The following ERC1 variants were observed in gnomAD, a reference collection of about 807,000 sequenced individuals.
ERC1 encodes the protein ELKS/RAB6-interacting/CAST family member 1.
ERC1 carries 56 observed loss-of-function variants against 132.0 expected under a neutral mutation model. The observed-to-expected ratio is 0.42, with a 90% confidence interval of 0.34 to 0.53. ERC1 has a LOEUF of 0.53. Ranked by LOEUF, ERC1 falls within the 20% of genes least tolerant of loss-of-function variation. The pLI is 0.03. For missense variants in ERC1, 1,202 were observed against 1,349.9 expected, an observed-to-expected ratio of 0.89 and a Z score of 1.72; for synonymous variants, 478 against 476.1, an observed-to-expected ratio of 1.00 and a Z score of -0.05.
intron 16 of ERC1, among the ~76,000 whole-genome samples, chr12:1,406,543 C>T (rs1020373520): frequency 6.6e-6 from 1 of 152,066 alleles, no homozygotes; most frequent in African/African-American, 2.4e-5. Flanking sequence ...AGGGAGGGGA[C>T]TAAATGGATA....
At chr12:1,105,063 T>C (rs1548580) in intron 4 of ERC1, among the ~76,000 whole-genome samples, 33,778 of 152,176 alleles carry the variant, frequency 0.22, 3,880 homozygotes, top group Non-Finnish European at 0.25. Flanking sequence ...AAATCAGCTA[T>C]TCGCAGATGT....
chr12:1,450,447 C>CT (rs1447844179), intron 18 of ERC1, among the ~76,000 whole-genome samples: 3 of 152,186 alleles, frequency 2.0e-5, no homozygotes, highest in African/African-American at 7.2e-5. Context: ...CAAGGTTCGT[C>CT]TGTGTTGCAC....
At position 1,009,402 on chromosome 12, in the gene ERC1, C is replaced by T. The variant is rs1298088274; in HGVS notation, c.-157+18080C>T. On this transcript the variant is annotated intron_variant, in intron 1 of 18. Transcript: ENST00000360905. ...TGTTAGCCAGGATGGTCTTGATCTCCTGACCTCGTGATCCGCCCACCTCGG... is the reference window on the plus strand; with the variant it reads ...TGTTAGCCAGGATGGTCTTGATCTCTTGACCTCGTGATCCGCCCACCTCGG... 3.3e-5 allele frequency among the ~76,000 whole-genome samples: 5 copies of T among 152,068 alleles called. No individual in the cohort carries two copies. The East Asian group carries it at 9.7e-4, about 29-fold the overall frequency.
At chr12:1,336,802 A>G (rs2083352958) in intron 15 of ERC1, among the ~76,000 whole-genome samples, 1 of 150,522 alleles carries the variant, frequency 6.6e-6, no homozygotes, top group African/African-American at 2.5e-5. Flanking sequence ...TATCTTTATT[A>G]ATTTTTTTTT....
intron 15 of ERC1, among the ~76,000 whole-genome samples, chr12:1,329,678 G>C (rs1349074128): frequency 6.6e-6 from 1 of 152,162 alleles, no homozygotes; most frequent in African/African-American, 2.4e-5. Context: ...ATCTTACCTA[G>C]CTGGGGAAGG....
intron 8 of ERC1, among the ~76,000 whole-genome samples, chr12:1,168,470 G>T (rs1952676118): frequency 6.7e-6 from 1 of 148,882 alleles, no homozygotes; most frequent in Admixed American, 6.8e-5. Context: ...TTTAAATGAA[G>T]TGACTGGTCT....
chr12:1,128,628 G>C (rs1027317067), intron 7 of ERC1, among the ~76,000 whole-genome samples: 12 of 152,090 alleles, frequency 7.9e-5, no homozygotes, highest in African/African-American at 2.4e-4. Flanking sequence ...TCATCTGTGA[G>C]AAGAATAATA....
Position 1,042,283 on chromosome 12 carries a change from C to T in ERC1, c.669+13711C>T, listed in dbSNP as rs553700645. Among the ~76,000 whole-genome samples the T allele has an allele frequency of 7.9e-4, 120 of 151,732 alleles. 1 individual carries two copies. Among genetic ancestry groups the T allele is most frequent in the Non-Finnish European group, 1.4e-3 (98 of 67,966 alleles). ...TAACCTCCAGACCTGGTGATCTGCCCGCCTCAGCTTCCCGAAGTGCTGGGA... is the reference window on the plus strand; with the variant it reads ...TAACCTCCAGACCTGGTGATCTGCCTGCCTCAGCTTCCCGAAGTGCTGGGA... On this transcript the variant is annotated intron_variant, in intron 2 of 18. Transcript: ENST00000360905.
intron 1 of ERC1, among the ~76,000 whole-genome samples, chr12:1,024,570 T>C (rs758282341): frequency 2.0e-5 from 3 of 152,166 alleles, no homozygotes; most frequent in Non-Finnish European, 4.4e-5. Context: ...CTGTTTTCAA[T>C]GAAGAAACAC....
chr12:1,169,166 G>C (rs955936215), intron 8 of ERC1, among the ~76,000 whole-genome samples: 1 of 152,188 alleles, frequency 6.6e-6, no homozygotes, highest in Admixed American at 6.5e-5. Flanking sequence ...AATTTAACTA[G>C]AAAGAGTGTA....
chr12:1,222,387 A>G (rs1959074547), intron 12 of ERC1, among the ~76,000 whole-genome samples: 1 of 151,844 alleles, frequency 6.6e-6, no homozygotes, highest in Non-Finnish European at 1.5e-5. Context: ...CACCATGCCC[A>G]GCTAATTTTT....
intron 15 of ERC1, among the ~76,000 whole-genome samples, chr12:1,292,746 C>A (rs1246490106): frequency 6.6e-6 from 1 of 152,318 alleles, no homozygotes; most frequent in East Asian, 1.9e-4. Flanking sequence ...CACGGTGGTT[C>A]ACACCTGTAA....
intron 16 of ERC1, among the ~76,000 whole-genome samples, chr12:1,405,852 A>G (rs1270594386): frequency 6.6e-6 from 1 of 152,152 alleles, no homozygotes; most frequent in African/African-American, 2.4e-5. Flanking sequence ...GGAGTTTAAG[A>G]CCAGCCTGGG....
chr12:1,289,983 G>A lies in ERC1; in HGVS notation c.2751G>A (p.Arg917=), dbSNP rs764827483. Residue 917 remains arginine (R), a synonymous_variant, in exon 15 of 19, where the codon AGG becomes AGA. Transcript: ENST00000360905. The stretch of plus-strand genomic sequence containing the variant: ...TGACTAATCTTCGGGCAGAGAGAAG[G>A]AAACACTTAGAGGAAGTTCTGGAGA... ...THLTNLRAER[R]KHLEEVLEMK... The A allele has an allele frequency of 1.7e-5, 28 of 1,614,072 alleles. No individual in the cohort carries two copies. The South Asian group carries it at 3.1e-4, about 18-fold the overall frequency.
intron 15 of ERC1, among the ~76,000 whole-genome samples, chr12:1,362,610 T>C (rs578021386): frequency 1.3e-5 from 2 of 152,326 alleles, no homozygotes; most frequent in African/African-American, 4.8e-5. Context: ...ATAAGCCAGA[T>C]ACAAAAGGCC....
At chr12:1,173,272 G>A (rs1294088730) in intron 8 of ERC1, among the ~76,000 whole-genome samples, 1 of 152,162 alleles carries the variant, frequency 6.6e-6, no homozygotes, top group East Asian at 1.9e-4. Context: ...GGCCTGTAGT[G>A]ATGCTTAAAT....
At chr12:1,276,726 C>T (rs1170044790) in intron 14 of ERC1, among the ~76,000 whole-genome samples, 1 of 152,126 alleles carries the variant, frequency 6.6e-6, no homozygotes, top group African/African-American at 2.4e-5. Flanking sequence ...TACCATTGCA[C>T]CTGGTACACA....
At chr12:1,367,937 G>A (rs542453001) in intron 15 of ERC1, among the ~76,000 whole-genome samples, 75 of 147,002 alleles carry the variant, frequency 5.1e-4, no homozygotes, top group Admixed American at 8.8e-4. Flanking sequence ...GAAAGGTTTC[G>A]TGTCCACATT....
chr12:1,216,632 G>A (rs980267003), intron 12 of ERC1, among the ~76,000 whole-genome samples: 3 of 132,408 alleles, frequency 2.3e-5, no homozygotes, highest in Non-Finnish European at 4.9e-5. Context: ...TGGGGGGCGG[G>A]GGGAGTAAAT....
Sources: allele counts gnomAD v4.1 joint callset (sites outside exome capture counted in the v4.1 genomes callset), GRCh38; gene constraint gnomAD v4.1.1; transcripts MANE v1.5; gene names NCBI Gene and HGNC (gene_info 2026-07-23, HGNC 2026-07-21).